TRAPPC9: variants seen among roughly 807,000 people sequenced by gnomAD.
TRAPPC9 encodes IKK2 binding protein.
In TRAPPC9, 83 loss-of-function variants were observed where a neutral mutation model predicts 124.0. The ratio of observed to expected loss-of-function variants is 0.67; its 90% CI spans 0.56 to 0.80. The LOEUF (loss-of-function observed/expected upper bound fraction) is 0.80, where lower values mean the gene tolerates loss of function less well. Ranked by LOEUF, TRAPPC9 falls within the 30% of genes least tolerant of loss-of-function variation. The probability of loss-of-function intolerance (pLI) is 0.00; values close to 1 mark genes in which losing one functional copy is unlikely to be tolerated. For synonymous variants in TRAPPC9, 638 were observed against 617.5 expected, an observed-to-expected ratio of 1.03 and a Z score of -0.49; for missense variants, 1,302 against 1,508.3, an observed-to-expected ratio of 0.86 and a Z score of 2.27.
chr8:139,964,188 G>GTA (rs1030519354), intron 19 of TRAPPC9, among the ~76,000 whole-genome samples: 1 of 132,358 alleles, frequency 7.6e-6, no homozygotes, highest in African/African-American at 2.9e-5. Flanking sequence ...CGCGCCACCT[G>GTA]TACTCCAGCC....
At chr8:139,925,689 A>G (rs1050997253) in intron 19 of TRAPPC9, among the ~76,000 whole-genome samples, 3 of 151,684 alleles carry the variant, frequency 2.0e-5, no homozygotes, top group Admixed American at 2.0e-4. Flanking sequence ...CAGAGGTTGC[A>G]GTGAGCTGAG....
At chr8:139,828,844 G>A (rs903723231) in intron 21 of TRAPPC9, among the ~76,000 whole-genome samples, 1 of 152,172 alleles carries the variant, frequency 6.6e-6, no homozygotes, top group Non-Finnish European at 1.5e-5. Flanking sequence ...ATGAATAAGA[G>A]ATGAGCAATA....
chr8:140,293,608 C>T (rs985154670), intron 11 of TRAPPC9, among the ~76,000 whole-genome samples: 30 of 151,876 alleles, frequency 2.0e-4, no homozygotes, highest in African/African-American at 4.6e-4. Flanking sequence ...AGTAAACTAT[C>T]GCAAAAACAA....
At chr8:140,167,145 C>CAA (rs35081157) in intron 17 of TRAPPC9, among the ~76,000 whole-genome samples, 2 of 142,478 alleles carry the variant, frequency 1.4e-5, no homozygotes, top group Non-Finnish European at 3.1e-5. Flanking sequence ...TCATAGCTTT[C>CAA]AAAAAAAAAA....
intron 21 of TRAPPC9, among the ~76,000 whole-genome samples, chr8:139,851,402 G>C (rs1438998360): frequency 6.6e-6 from 1 of 152,138 alleles, no homozygotes; most frequent in Non-Finnish European, 1.5e-5. Context: ...GTCACCAACT[G>C]CTCCTCCATC....
chr8:140,421,665 A>G (rs1379753624), intron 5 of TRAPPC9, among the ~76,000 whole-genome samples: 1 of 152,220 alleles, frequency 6.6e-6, no homozygotes, highest in African/African-American at 2.4e-5. Flanking sequence ...CGAGGGAACA[A>G]CAGGAAAAAA....
At chr8:140,275,412 G>A (rs2065081615) in intron 15 of TRAPPC9, among the ~76,000 whole-genome samples, 1 of 152,182 alleles carries the variant, frequency 6.6e-6, no homozygotes, top group South Asian at 2.1e-4. Flanking sequence ...TGTGTGCTCG[G>A]TCCCACTGTC....
chr8:139,803,725 C>T (rs1490742132), intron 21 of TRAPPC9, among the ~76,000 whole-genome samples: 1 of 152,204 alleles, frequency 6.6e-6, no homozygotes, highest in African/African-American at 2.4e-5. Context: ...TGTGGCTGTT[C>T]CCCGGAGTCA....
At chr8:139,814,224 A>G (rs747311644) in intron 21 of TRAPPC9, among the ~76,000 whole-genome samples, 67 of 152,230 alleles carry the variant, frequency 4.4e-4, no homozygotes, top group Non-Finnish European at 7.8e-4. Flanking sequence ...AACAGGGAGA[A>G]TTATGTCTGC....
intron 10 of TRAPPC9, among the ~76,000 whole-genome samples, chr8:140,303,696 G>C (rs1322248239): frequency 6.6e-6 from 1 of 152,170 alleles, no homozygotes; most frequent in Non-Finnish European, 1.5e-5. Context: ...TTAAAATAGG[G>C]ATGTATTTTG....
At chr8:140,235,119 CTGCCACCA>C (rs779755991) in intron 16 of TRAPPC9, among the ~76,000 whole-genome samples, 23 of 152,256 alleles carry the variant, frequency 1.5e-4, no homozygotes, top group Middle Eastern at 3.4e-3. Context: ...TTACAAGCGC[CTGCCACCA>C]TGCCCAGCTA....
At chr8:139,965,754 C>T (rs985695658) in intron 19 of TRAPPC9, among the ~76,000 whole-genome samples, 1 of 152,256 alleles carries the variant, frequency 6.6e-6, no homozygotes, top group African/African-American at 2.4e-5. Flanking sequence ...AAAGCAGAGA[C>T]GCATCACACG....
chr8:140,432,925 C>T (rs537880580), intron 4 of TRAPPC9, among the ~76,000 whole-genome samples: 1 of 151,570 alleles, frequency 6.6e-6, no homozygotes, highest in Non-Finnish European at 1.5e-5. Flanking sequence ...GCCTAAGTGT[C>T]TTACAAAAAA....
intron 19 of TRAPPC9, among the ~76,000 whole-genome samples, chr8:139,919,458 T>C (rs1299777456): frequency 2.6e-5 from 4 of 152,196 alleles, no homozygotes; most frequent in Non-Finnish European, 5.9e-5. Context: ...CAAAAATCAC[T>C]GAGCCGTACA....
chr8:139,760,123 C>T (rs544157842), intron 21 of TRAPPC9, among the ~76,000 whole-genome samples: 21 of 152,120 alleles, frequency 1.4e-4, no homozygotes, highest in Non-Finnish European at 1.9e-4. Flanking sequence ...GGGTGTGGAG[C>T]GTAGTGTATA....
At chr8:140,035,007 A>G (rs1332353330) in intron 17 of TRAPPC9, among the ~76,000 whole-genome samples, 1 of 152,236 alleles carries the variant, frequency 6.6e-6, no homozygotes, top group Non-Finnish European at 1.5e-5. Context: ...TTGGTGCTAA[A>G]TGCTGCATTC....
chr8:140,224,906 T>C (rs2063411571), intron 16 of TRAPPC9, among the ~76,000 whole-genome samples: 1 of 152,114 alleles, frequency 6.6e-6, no homozygotes, highest in Admixed American at 6.6e-5. Flanking sequence ...GAGAGCCCGG[T>C]AGGAGATCAG....
At chr8:140,258,156 G>A (rs1418914213) in intron 15 of TRAPPC9, among the ~76,000 whole-genome samples, 5 of 152,340 alleles carry the variant, frequency 3.3e-5, no homozygotes, top group South Asian at 2.1e-4. Context: ...GACAGCACAC[G>A]ACAGACAAGT....
intron 17 of TRAPPC9, among the ~76,000 whole-genome samples, chr8:140,119,702 G>A (rs2060950325): frequency 6.6e-6 from 1 of 152,170 alleles, no homozygotes; most frequent in East Asian, 1.9e-4. Flanking sequence ...TTTTCAGAGT[G>A]GCTCAGCTGA....
Sources: allele counts gnomAD v4.1 joint callset (sites outside exome capture counted in the v4.1 genomes callset), GRCh38; gene constraint gnomAD v4.1.1; transcripts MANE v1.5; gene names NCBI Gene and HGNC (gene_info 2026-07-23, HGNC 2026-07-21).